Variants in SMS observed in about 807,000 individuals in gnomAD.
The protein encoded by SMS is spermine synthase.
SMS carries 3 observed loss-of-function variants against 33.0 expected under a neutral mutation model. The ratio of observed to expected loss-of-function variants is 0.09; its 90% CI spans 0.04 to 0.23. The LOEUF (loss-of-function observed/expected upper bound fraction) is 0.23. Ranked by LOEUF, SMS falls within the 10% of genes least tolerant of loss-of-function variation. SMS has a pLI of 1.00. For missense variants in SMS, 117 were observed against 288.6 expected (o/e 0.41, Z 4.31); for synonymous variants, 103 against 112.2 (o/e 0.92, Z 0.52).
Position 21,967,077 on chromosome X carries a change from TTTATTTATTTATTTAC to T in SMS, c.50-104_50-89del, listed in dbSNP as rs1470420728. 1,048 of 230,006 alleles carry T rather than the reference TTTATTTATTTATTTAC, an allele frequency of 4.6e-3. 18 individuals are homozygous for T. Among genetic ancestry groups the T allele is most frequent in the African/African-American group, 0.026 (517 of 19,895 alleles). The allele number at this position is 230,006 out of a possible 1,213,427, so 19.0% of individuals were successfully genotyped here. On this transcript the variant is annotated intron_variant, in intron 1 of 10. Coordinates refer to ENST00000404933, the MANE Select transcript of SMS (RefSeq NM_004595.5). Reference sequence around the variant, plus strand: ...TAATTTTTATTTATTTATTTATTTATTTATTTATTTATTTACTTATTTATTTATTTTTAAGCTCAGT... The same window carrying T: ...TAATTTTTATTTATTTATTTATTTATTTATTTATTTATTTTTAAGCTCAGT...
At chrX:21,985,975 C>A (rs147133628) in intron 9 of SMS, among the ~76,000 whole-genome samples, 1 of 110,622 alleles carries the variant, frequency 9.0e-6, no homozygotes. Flanking sequence ...GAGCTGTGAT[C>A]GTGCCACTGC....
intron 1 of SMS, among the ~76,000 whole-genome samples, chrX:21,948,487 G>T (rs922118625): frequency 1.1e-5 from 1 of 93,368 alleles, no homozygotes; most frequent in Admixed American, 1.2e-4. Context: ...TGCAGTGGAG[G>T]AGTTACCAAT....
intron 9 of SMS, 85 bp from the exon 10 acceptor site, chrX:21,992,512 T>C: frequency 3.5e-6 from 2 of 570,918 alleles, no homozygotes; most frequent in Non-Finnish European, 6.3e-6. Context: ...AAGCTAGAAT[T>C]GTTCTCCTTT....
chrX:21,941,916 A>C (rs1207464320), intron 1 of SMS, among the ~76,000 whole-genome samples: 3 of 98,645 alleles, frequency 3.0e-5, no homozygotes, highest in Non-Finnish European at 4.1e-5. Context: ...AAAAAAAAAA[A>C]AAAAAAACCC....
chrX:21,967,393 G>A (rs959730135), intron 2 of SMS, 77 bp downstream of exon 2: 1 of 1,082,782 alleles, frequency 9.2e-7, no homozygotes. Context: ...GGATGGGGGT[G>A]GCATCCGGCA....
chrX:21,960,431 A>G (rs1173654814), intron 1 of SMS, among the ~76,000 whole-genome samples: 1 of 110,144 alleles, frequency 9.1e-6, no homozygotes, highest in Non-Finnish European at 1.9e-5. Flanking sequence ...TCATGTATAC[A>G]ATAAGGTAGA....
At chrX:21,943,325 A>G (rs953828356) in intron 1 of SMS, among the ~76,000 whole-genome samples, 4 of 112,041 alleles carry the variant, frequency 3.6e-5, no homozygotes. Flanking sequence ...GCGAATGAAG[A>G]AAAAGTGAGA....
chrX:21,974,326 G>A (rs945376056), intron 4 of SMS, among the ~76,000 whole-genome samples: 38 of 112,247 alleles, frequency 3.4e-4, no homozygotes, highest in Non-Finnish European at 6.0e-4. Context: ...CCACAGTATA[G>A]AACTATTTTT....
rs1441896113 is a variant in SMS at position 21,967,254 on chromosome X, G to A, written c.108G>A (p.Ala36=). The change falls in exon 2 of 11, where the codon GCG becomes GCA. Residue 36 remains alanine, a synonymous_variant. Coordinates refer to ENST00000404933, the MANE Select transcript of SMS (RefSeq NM_004595.5). ...LQSIFQEQGM[A]ESVHTWQDHG... ...CCATTTTCCAGGAGCAGGGGATGGCGGAGTCGGTGCACACCTGGCAGGACC... is the reference window on the plus strand; with the variant it reads ...CCATTTTCCAGGAGCAGGGGATGGCAGAGTCGGTGCACACCTGGCAGGACC... 8.3e-6 allele frequency: 10 copies of A among 1,208,449 alleles called. No individual in the cohort carries two copies. The highest frequency in any genetic ancestry group is 5.3e-5 in the South Asian group (3 of 56,864).
intron 1 of SMS, among the ~76,000 whole-genome samples, chrX:21,966,820 T>G (rs937367874): frequency 1.8e-5 from 2 of 111,708 alleles, no homozygotes; most frequent in African/African-American, 6.5e-5. Flanking sequence ...TCATTTGTTG[T>G]ACTTGAATTT....
intron 1 of SMS, among the ~76,000 whole-genome samples, chrX:21,945,634 T>TCCC (rs376720187): frequency 0.043 from 1,452 of 34,002 alleles, 43 homozygotes; most frequent in East Asian, 0.13. Flanking sequence ...TTGCTTCCCG[T>TCCC]CCCCCCCCCC....
At chrX:21,981,845 T>C (rs1924968096) in intron 7 of SMS, among the ~76,000 whole-genome samples, 1 of 111,508 alleles carries the variant, frequency 9.0e-6, no homozygotes, top group Non-Finnish European at 1.9e-5. Context: ...CTCAAACTGT[T>C]AATGGTATTA....
chrX:21,953,578 T>C (rs1922762723), intron 1 of SMS, among the ~76,000 whole-genome samples: 1 of 112,201 alleles, frequency 8.9e-6, no homozygotes, highest in South Asian at 3.6e-4. Context: ...GAACTGGGTT[T>C]TCTTGCATAC....
intron 1 of SMS, among the ~76,000 whole-genome samples, chrX:21,941,747 T>A (rs1277289843): frequency 9.4e-6 from 1 of 106,938 alleles, no homozygotes; most frequent in Non-Finnish European, 1.9e-5. Flanking sequence ...TAGCCGGGCG[T>A]GGTGGCACGC....
intron 1 of SMS, among the ~76,000 whole-genome samples, chrX:21,958,192 A>G (rs1270964537): frequency 8.9e-6 from 1 of 112,243 alleles, no homozygotes; most frequent in Non-Finnish European, 1.9e-5. Context: ...GCCTAAGCCA[A>G]TGCCTAGAAG....
At chrX:21,979,601 C>A (rs956045760) in intron 7 of SMS, among the ~76,000 whole-genome samples, 1 of 111,242 alleles carries the variant, frequency 9.0e-6, no homozygotes, top group East Asian at 2.8e-4. Flanking sequence ...TCCAGCCTAT[C>A]CTTAATGGGC....
chrX:21,971,657 G>A (rs1924166448), intron 2 of SMS, among the ~76,000 whole-genome samples: 1 of 111,893 alleles, frequency 8.9e-6, no homozygotes, highest in African/African-American at 3.3e-5. Flanking sequence ...CACTTTCTGG[G>A]CCCAAGAACC....
intron 9 of SMS, among the ~76,000 whole-genome samples, chrX:21,987,418 A>G (rs760486286): frequency 1.3e-4 from 15 of 111,987 alleles, no homozygotes; most frequent in Non-Finnish European, 2.4e-4. Context: ...TGCAGCCTCA[A>G]CCTCCCAGAC....
chrX:21,949,012 C>T (rs1325537088), intron 1 of SMS, among the ~76,000 whole-genome samples: 1 of 112,074 alleles, frequency 8.9e-6, no homozygotes, highest in Non-Finnish European at 1.9e-5. Flanking sequence ...GGAAAAACAA[C>T]CCTGCGGCCC....
Sources: allele counts gnomAD v4.1 joint callset (sites outside exome capture counted in the v4.1 genomes callset), GRCh38; gene constraint gnomAD v4.1.1; transcripts MANE v1.5; gene names NCBI Gene and HGNC (gene_info 2026-07-23, HGNC 2026-07-21).